The following EPB41L4A variants were observed in gnomAD, a reference collection of about 807,000 sequenced individuals.
EPB41L4A encodes erythrocyte membrane protein band 4.1 like 4A.
EPB41L4A carries 100 observed loss-of-function variants against 108.6 expected under a neutral mutation model. The observed-to-expected ratio is 0.92, with a 90% CI of 0.78 to 1.09. The LOEUF is 1.09. Among genes scored for constraint, EPB41L4A ranks in the 50% least tolerant of loss-of-function variants. The pLI, the probability that EPB41L4A is intolerant of heterozygous loss-of-function variation, is 0.00. For missense variants in EPB41L4A, 1,030 were observed against 842.7 expected (o/e 1.22, Z -2.75); for synonymous variants, 319 against 289.0 (o/e 1.10, Z -1.05).
chr5:112,263,489 CAT>C (rs1224655072), intron 6 of EPB41L4A: 8 of 152,340 alleles, frequency 5.3e-5, no homozygotes, highest in South Asian at 2.1e-4. Flanking sequence ...ATCTAAAACA[CAT>C]GAGAGCCTTT....
intron 15 of EPB41L4A, among the ~76,000 whole-genome samples, chr5:112,202,163 G>A (rs1028471199): frequency 1.3e-5 from 2 of 152,310 alleles, no homozygotes; most frequent in East Asian, 3.9e-4. Context: ...CTCCTGAGAA[G>A]TGGGGGTTCT....
intron 2 of EPB41L4A, among the ~76,000 whole-genome samples, chr5:112,289,201 A>G (rs1034885719): frequency 1.3e-5 from 2 of 152,174 alleles, no homozygotes; most frequent in African/African-American, 2.4e-5. Flanking sequence ...GATAGGGCCC[A>G]GATAATAAAG....
chr5:112,153,156 T>G (rs1225357254), intron 12 of EPB41L4A, among the ~76,000 whole-genome samples: 4 of 150,264 alleles, frequency 2.7e-5, no homozygotes, highest in African/African-American at 9.8e-5. Context: ...AAGGTGGAGG[T>G]TGCAGTGAGC....
chr5:112,233,589 T>C (rs1749113684), intron 12 of EPB41L4A, among the ~76,000 whole-genome samples: 1 of 152,176 alleles, frequency 6.6e-6, no homozygotes, highest in African/African-American at 2.4e-5. Flanking sequence ...TTAATTTGTA[T>C]TTTTAATAGA....
At chr5:112,318,646 T>C (rs1202750984) in intron 1 of EPB41L4A, among the ~76,000 whole-genome samples, 2 of 152,210 alleles carry the variant, frequency 1.3e-5, no homozygotes, top group Non-Finnish European at 2.9e-5. Context: ...CTCACTGTCC[T>C]GACCAACAAG....
intron 2 of EPB41L4A, among the ~76,000 whole-genome samples, chr5:112,305,302 T>C (rs182347299): frequency 1.0e-3 from 157 of 152,154 alleles, no homozygotes; most frequent in Non-Finnish European, 1.4e-3. Flanking sequence ...CTGATGATGA[T>C]GGTGGTAATA....
intron 17 of EPB41L4A, among the ~76,000 whole-genome samples, chr5:112,188,161 C>T (rs1761518399): frequency 6.6e-6 from 1 of 152,162 alleles, no homozygotes; most frequent in South Asian, 2.1e-4. Flanking sequence ...TGATTGTGAA[C>T]TTGTGTTTCT....
intron 1 of EPB41L4A, 38 bp from the exon 2 acceptor site, chr5:112,307,528 C>T (rs1354199301): frequency 7.2e-7 from 1 of 1,396,472 alleles, no homozygotes; most frequent in African/African-American, 1.4e-5. Flanking sequence ...TTTAACTGCC[C>T]TTTTGTTCCT....
At chr5:112,408,335 T>C (rs551915797) in intron 1 of EPB41L4A, among the ~76,000 whole-genome samples, 3 of 151,916 alleles carry the variant, frequency 2.0e-5, no homozygotes, top group Non-Finnish European at 2.9e-5. Flanking sequence ...ACAAGCAACA[T>C]AGGAAAAAAT....
At chr5:112,336,994 T>G (rs1281073653) in intron 1 of EPB41L4A, among the ~76,000 whole-genome samples, 7 of 152,180 alleles carry the variant, frequency 4.6e-5, no homozygotes, top group Admixed American at 6.5e-5. Flanking sequence ...ACAGTGCCAT[T>G]GAGAACCCAA....
intron 1 of EPB41L4A, among the ~76,000 whole-genome samples, chr5:112,365,496 G>A (rs1759065049): frequency 6.6e-6 from 1 of 152,088 alleles, no homozygotes; most frequent in African/African-American, 2.4e-5. Flanking sequence ...AATCAACTTT[G>A]TTTTAGAATA....
Position 112,195,686 on chromosome 5 carries a change from C to G in EPB41L4A, c.1399G>C (p.Asp467His). 6.2e-7 allele frequency: 1 copy of G among 1,613,758 alleles called. No homozygotes were observed. Among genetic ancestry groups the G allele is most frequent in the Non-Finnish European group, 8.5e-7 (1 of 1,179,802 alleles). ...RRRKAHNSGE[D>H]SDLKQRRRSR... ...CTCCTCCTTTGCTTAAGATCTGAAT[C>G]TTCACCACTGTTATGGGCTTTCCTG... The change falls in exon 16 of 23, where the codon GAT becomes CAT. Residue 467 changes from aspartate to histidine, a missense_variant. Asp to His is a moderately conservative substitution (Grantham distance 81). Transcript: ENST00000261486.
At chr5:112,195,519 G>C (rs772744012) in intron 16 of EPB41L4A, 142 bp downstream of exon 16, 1 of 693,512 alleles carries the variant, frequency 1.4e-6, no homozygotes, top group Non-Finnish European at 2.5e-6. Flanking sequence ...TGGAAGACTG[G>C]GAATCAGCTG....
At chr5:112,168,056 TAG>T (rs1491165893) in intron 22 of EPB41L4A, among the ~76,000 whole-genome samples, 4 of 152,238 alleles carry the variant, frequency 2.6e-5, no homozygotes, top group Admixed American at 6.5e-5. Flanking sequence ...ACTTTGTTTT[TAG>T]AGTTTTACAG....
chr5:112,165,378 C>T (rs1490349098), intron 22 of EPB41L4A, among the ~76,000 whole-genome samples: 1 of 152,156 alleles, frequency 6.6e-6, no homozygotes, highest in Non-Finnish European at 1.5e-5. Flanking sequence ...GCATAATTCA[C>T]CCAAATCAGT....
intron 15 of EPB41L4A, among the ~76,000 whole-genome samples, chr5:112,201,678 A>C (rs1188972919): frequency 2.0e-5 from 3 of 152,228 alleles, no homozygotes; most frequent in Non-Finnish European, 4.4e-5. Flanking sequence ...GCCTCAACAC[A>C]CAATACACAC....
intron 11 of EPB41L4A, chr5:112,239,451 C>CA (rs1749611538): frequency 2.7e-6 from 1 of 367,042 alleles, no homozygotes; most frequent in Non-Finnish European, 4.9e-6. Flanking sequence ...TAAAAGCCCA[C>CA]AACATAGCTA....
chr5:112,345,774 T>TATATAC (rs1200361015), intron 1 of EPB41L4A, among the ~76,000 whole-genome samples: 2 of 36,240 alleles, frequency 5.5e-5, no homozygotes, highest in Admixed American at 3.5e-4. Flanking sequence ...TATACATATA[T>TATATAC]ATATATACAC....
Position 112,184,034 on chromosome 5 carries a change from G to C in EPB41L4A, c.1604C>G (p.Ser535Cys), listed in dbSNP as rs1241056891. 5 of 1,614,004 alleles carry C rather than the reference G, an allele frequency of 3.1e-6. No homozygotes were observed. Among genetic ancestry groups the C allele is most frequent in the South Asian group, 2.2e-5 (2 of 91,068 alleles). Residue 535 changes from serine (S) to cysteine (C), a missense_variant, in exon 18 of 23, where the codon TCC (serine) becomes TGC (cysteine). Transcript: ENST00000261486. The part of the protein sequence containing the change: ...KNQADPNNRR[S>C]RHRSRSRSPD... ...CACATACGAACGAGATCTGTGTCTG[G>C]ATCGCCTGTTGTTGGGGTCGGCTTG...
Sources: allele counts gnomAD v4.1 joint callset (sites outside exome capture counted in the v4.1 genomes callset), GRCh38; gene constraint gnomAD v4.1.1; transcripts MANE v1.5; gene names NCBI Gene and HGNC (gene_info 2026-07-23, HGNC 2026-07-21).